Variants in SLC30A7 observed in about 807,000 individuals in gnomAD.
SLC30A7 encodes solute carrier family 30 member 7.
Under a neutral mutation model 46.0 loss-of-function variants are expected in SLC30A7, and 35 were observed. That is an observed-to-expected ratio of 0.76 (90% CI 0.58 to 1.01). The LOEUF is 1.01. Among genes scored for constraint, SLC30A7 ranks in the 50% least tolerant of loss-of-function variants. The probability of loss-of-function intolerance (pLI) is 0.00; values close to 1 mark genes in which losing one functional copy is unlikely to be tolerated. For synonymous variants in SLC30A7, 147 were observed against 157.8 expected, an observed-to-expected ratio of 0.93 and a Z score of 0.51; for missense variants, 464 against 451.1, an observed-to-expected ratio of 1.03 and a Z score of -0.26.
intron 10 of SLC30A7, among the ~76,000 whole-genome samples, chr1:100,967,232 C>G (rs1185368251): frequency 6.6e-6 from 1 of 152,146 alleles, no homozygotes; most frequent in East Asian, 1.9e-4. Flanking sequence ...CATTTTGGCA[C>G]CAGGGACCGG....
intron 8 of SLC30A7, among the ~76,000 whole-genome samples, chr1:100,946,928 G>A (rs1654675734): frequency 6.6e-6 from 1 of 151,988 alleles, no homozygotes; most frequent in Non-Finnish European, 1.5e-5. Context: ...GACTTTTTTT[G>A]GTTGGTAGGC....
intron 2 of SLC30A7, among the ~76,000 whole-genome samples, chr1:100,903,000 C>T (rs1651405382): frequency 1.3e-5 from 2 of 152,000 alleles, no homozygotes; most frequent in East Asian, 3.8e-4. Context: ...TATTTATTTA[C>T]AATGAATGCC....
chr1:100,953,138 C>G (rs1366812721), intron 8 of SLC30A7, among the ~76,000 whole-genome samples: 1 of 152,190 alleles, frequency 6.6e-6, no homozygotes, highest in Admixed American at 6.5e-5. Context: ...AAGGTCCTGT[C>G]TTCTTCACCT....
At chr1:100,963,993 T>C (rs927007279) in intron 9 of SLC30A7, among the ~76,000 whole-genome samples, 5 of 152,120 alleles carry the variant, frequency 3.3e-5, no homozygotes, top group African/African-American at 1.2e-4. Context: ...AATGCTGACA[T>C]AGATGAGAGG....
chr1:100,921,577 CA>C (rs1652934176), intron 7 of SLC30A7, 128 bp from the exon 8 acceptor site: 1 of 634,094 alleles, frequency 1.6e-6, no homozygotes, highest in African/African-American at 1.9e-5. Context: ...GGTGAATATA[CA>C]TGCTTACTTA....
At chr1:100,940,137 G>A (rs1654255378) in intron 8 of SLC30A7, among the ~76,000 whole-genome samples, 1 of 151,988 alleles carries the variant, frequency 6.6e-6, no homozygotes, top group Non-Finnish European at 1.5e-5. Context: ...TATATATAGT[G>A]GCTTACTAAT....
chr1:100,896,148 C>G lies in SLC30A7; in HGVS notation c.-115C>G, dbSNP rs1650901122. ...TCTGTCTGTGTCTCGCAGCGGCGCG[C>G]GGCCCCGGACAAGCGCTGGGGATTC... On this transcript the variant is annotated 5_prime_UTR_variant, in exon 1 of 11. Transcript: ENST00000357650. The G allele has an allele frequency of 1.1e-6, 1 of 876,964 alleles. No individual in the cohort carries two copies. The highest frequency in any genetic ancestry group is 2.5e-5 in the East Asian group (1 of 40,294). The allele number at this position is 876,964 out of a possible 1,614,324, so 54.3% of individuals were successfully genotyped here.
chr1:100,990,601 A>C, the SLC30A7 span: 1 of 1,614,106 alleles, frequency 6.2e-7, no homozygotes, highest in Non-Finnish European at 8.5e-7. Flanking sequence ...AACCCTGGCT[A>C]AGCCAACACA....
At chr1:100,984,148 A>G (rs914061205), downstream of SLC30A7, among the ~76,000 whole-genome samples, 1 of 152,252 alleles carries the variant, frequency 6.6e-6, no homozygotes, top group African/African-American at 2.4e-5. Context: ...ATGTAAGCCC[A>G]TAGGAACTAA....
intron 8 of SLC30A7, among the ~76,000 whole-genome samples, chr1:100,961,575 A>G (rs1272487498): frequency 6.6e-6 from 1 of 152,210 alleles, no homozygotes; most frequent in Non-Finnish European, 1.5e-5. Context: ...GGTTTAGATG[A>G]TATGATATTA....
chr1:100,959,922 T>TA lies in SLC30A7; in HGVS notation c.843-1905dup, dbSNP rs146006459. 7.4e-3 allele frequency among the ~76,000 whole-genome samples: 1,124 copies of TA among 152,190 alleles called. 11 individuals are homozygous for TA. The highest frequency in any genetic ancestry group is 0.026 in the African/African-American group (1,063 of 41,508). ...CTATTATAATAATCCACGTAAAAGA[T>TA]ACGGATATTATTGTGGACATGCATA... On this transcript the variant is annotated intron_variant, in intron 8 of 10. Transcript: ENST00000357650.
intron 10 of SLC30A7, among the ~76,000 whole-genome samples, 183 bp downstream of exon 10, chr1:100,966,101 G>A (rs560910165): frequency 4.0e-5 from 6 of 151,328 alleles, no homozygotes; most frequent in Admixed American, 6.6e-5. Context: ...GGTGACATGC[G>A]CCTATAGTCC....
Position 100,965,917 on chromosome 1 carries a change from A to G in SLC30A7, c.1082A>G (p.Gln361Arg). Residue 361 changes from glutamine to arginine, a missense_variant and splice_region_variant, in exon 10 of 11, where the codon CAG (glutamine) becomes CGG (arginine). By Grantham distance (43) the Gln-to-Arg change is conservative. Transcript: ENST00000357650. ...ILSQTHNIFTQAGVRQLYVQI... is the reference protein window; with the variant it reads ...ILSQTHNIFTRAGVRQLYVQI... ...AGCCAAACACATAATATTTTTACTC[A>G]GGTATGTCTTTTTTACTAACTTCTT... The G allele has an allele frequency of 6.2e-7, 1 of 1,602,596 alleles. No homozygotes were observed. The highest frequency in any genetic ancestry group is 1.8e-5 in the Admixed American group (1 of 56,614).
intron 8 of SLC30A7, among the ~76,000 whole-genome samples, chr1:100,923,616 A>G (rs1416021560): frequency 6.6e-6 from 1 of 152,072 alleles, no homozygotes; most frequent in Non-Finnish European, 1.5e-5. Context: ...TGTTTCTACA[A>G]AAAATTTAAA....
intron 8 of SLC30A7, among the ~76,000 whole-genome samples, chr1:100,938,202 A>C (rs1009846208): frequency 1.3e-5 from 2 of 152,186 alleles, no homozygotes; most frequent in African/African-American, 2.4e-5. Flanking sequence ...TGTTTTGACT[A>C]TTATGGGTTT....
intron 8 of SLC30A7, among the ~76,000 whole-genome samples, chr1:100,951,446 C>G (rs1654946696): frequency 6.6e-6 from 1 of 152,158 alleles, no homozygotes; most frequent in African/African-American, 2.4e-5. Context: ...ATTATACTAA[C>G]ATGTTGCTTG....
chr1:100,994,540 CT>C, the SLC30A7 span, among the ~76,000 whole-genome samples: 1,427 of 142,336 alleles, frequency 0.01, 20 homozygotes, highest in African/African-American at 0.031. Flanking sequence ...AAACCCATGC[CT>C]TTTTTTTTTT....
intron 8 of SLC30A7, among the ~76,000 whole-genome samples, chr1:100,958,378 G>C (rs113736544): frequency 6.6e-6 from 1 of 152,030 alleles, no homozygotes; most frequent in African/African-American, 2.4e-5. Context: ...GGATTTCACC[G>C]TGTTAGCCAG....
intron 7 of SLC30A7, among the ~76,000 whole-genome samples, chr1:100,921,179 C>A (rs547461393): frequency 9.2e-5 from 14 of 152,058 alleles, no homozygotes; most frequent in African/African-American, 3.1e-4. Context: ...TAGTATGTAA[C>A]CAGTTTAGAT....
Sources: allele counts gnomAD v4.1 joint callset (sites outside exome capture counted in the v4.1 genomes callset), GRCh38; gene constraint gnomAD v4.1.1; transcripts MANE v1.5; gene names NCBI Gene and HGNC (gene_info 2026-07-23, HGNC 2026-07-21).